Variants in POLK observed in about 807,000 individuals in gnomAD.
The protein encoded by POLK is DNA polymerase kappa.
Under a neutral mutation model 94.0 loss-of-function variants are expected in POLK, and 76 were observed. The observed-to-expected ratio is 0.81, with a 90% CI of 0.67 to 0.98. The LOEUF (loss-of-function observed/expected upper bound fraction) is 0.98, where lower values mean the gene tolerates loss of function less well. POLK is among the 50% of genes least tolerant of loss of function. POLK has a pLI of 0.00. For synonymous variants in POLK, 349 were observed against 325.4 expected (o/e 1.07, Z -0.78); for missense variants, 954 against 1,010.1 (o/e 0.94, Z 0.75).
exon 7 of POLK, chr5:75,581,264 A>G: frequency 5.0e-6 from 8 of 1,610,384 alleles, no homozygotes; most frequent in Non-Finnish European, 6.8e-6. Flanking sequence ...CCATCTCTCC[A>G]CTACTTTTTG....
At chr5:75,591,749 G>A (rs1772797883) in intron 11 of POLK, among the ~76,000 whole-genome samples, 1 of 152,154 alleles carries the variant, frequency 6.6e-6, no homozygotes, top group Non-Finnish European at 1.5e-5. Context: ...TGACAGTGTT[G>A]GGTAGTACTA....
chr5:75,587,628 C>T (rs1207867093), intron 10 of POLK, among the ~76,000 whole-genome samples: 1 of 152,114 alleles, frequency 6.6e-6, no homozygotes, highest in Non-Finnish European at 1.5e-5. Flanking sequence ...ATTTAAGAAA[C>T]ACTGACCTAG....
chr5:75,576,964 G>C, intron 6 of POLK, 31 bp downstream of exon 6: 1 of 1,359,828 alleles, frequency 7.4e-7, no homozygotes, highest in Non-Finnish European at 9.8e-7. Context: ...ATCAAACCAA[G>C]AAGCAGTGAA....
At chr5:75,511,566 G>A, upstream of POLK, 1 of 1,457,376 alleles carries the variant, frequency 6.9e-7, no homozygotes, top group Non-Finnish European at 9.0e-7. Flanking sequence ...AAATCCGGCC[G>A]CTGAGTCCCG....
chr5:75,542,509 T>A (rs1468547993), intron 1 of POLK, among the ~76,000 whole-genome samples: 1 of 151,952 alleles, frequency 6.6e-6, no homozygotes, highest in Non-Finnish European at 1.5e-5. Context: ...TTCCTTAGAA[T>A]TCTTTCTTAA....
chr5:75,535,252 T>A (rs1580950769), intron 1 of POLK, among the ~76,000 whole-genome samples: 1 of 151,890 alleles, frequency 6.6e-6, no homozygotes. Context: ...TGGTTGAAAA[T>A]TTTTTTTTAA....
At chr5:75,539,229 A>C (rs2112602569) in intron 1 of POLK, among the ~76,000 whole-genome samples, 1 of 150,252 alleles carries the variant, frequency 6.7e-6, no homozygotes, top group South Asian at 2.1e-4. Context: ...TGGCTTAATC[A>C]CTCCAAGACC....
intron 1 of POLK, among the ~76,000 whole-genome samples, chr5:75,528,276 G>T (rs899263317): frequency 6.6e-6 from 1 of 152,044 alleles, no homozygotes; most frequent in Admixed American, 6.6e-5. Flanking sequence ...ATGATTAAGA[G>T]GGGAAGAAAA....
At chr5:75,569,177 A>T (rs182952181) in intron 3 of POLK, among the ~76,000 whole-genome samples, 163 bp from the exon 4 acceptor site, 2 of 152,324 alleles carry the variant, frequency 1.3e-5, no homozygotes, top group African/African-American at 4.8e-5. Flanking sequence ...ATACACACCC[A>T]TAAGTAAGTG....
chr5:75,584,816 A>G (rs1399074682), exon 9 of POLK: 2 of 1,595,522 alleles, frequency 1.3e-6, no homozygotes, highest in African/African-American at 1.3e-5. Context: ...GAATTATTAC[A>G]TGTACAGAAC....
At chr5:75,521,181 T>C (rs1482564744) in intron 1 of POLK, among the ~76,000 whole-genome samples, 1 of 152,190 alleles carries the variant, frequency 6.6e-6, no homozygotes, top group Non-Finnish European at 1.5e-5. Context: ...TTTTTTTGAA[T>C]AAACTTTCTA....
At chr5:75,511,631 C>T (rs1768012416), upstream of POLK, 8 of 1,483,628 alleles carry the variant, frequency 5.4e-6, no homozygotes, top group East Asian at 1.5e-4. Context: ...CCACTATTTA[C>T]CCTCCCCTCC....
At chr5:75,513,793 G>A (rs1768190705) in intron 1 of POLK, among the ~76,000 whole-genome samples, 1 of 152,002 alleles carries the variant, frequency 6.6e-6, no homozygotes, top group Admixed American at 6.6e-5. Context: ...AACAGTATTA[G>A]TGCCCACTCT....
chr5:75,559,216 G>A (rs1281246389), intron 3 of POLK, among the ~76,000 whole-genome samples: 5 of 152,132 alleles, frequency 3.3e-5, no homozygotes, highest in Non-Finnish European at 4.4e-5. Flanking sequence ...CCAAGTACTC[G>A]ATTTTATTAT....
chr5:75,605,134 C>A (rs1048192646), downstream of POLK, among the ~76,000 whole-genome samples: 150 of 151,606 alleles, frequency 9.9e-4, no homozygotes, highest in African/African-American at 3.4e-3. Context: ...CACACACACA[C>A]ACACACACAC....
chr5:75,593,384 A>T (rs1772892956), intron 11 of POLK, among the ~76,000 whole-genome samples: 1 of 152,010 alleles, frequency 6.6e-6, no homozygotes, highest in African/African-American at 2.4e-5. Context: ...CCCGCCCAAA[A>T]TGCTGGGATT....
intron 1 of POLK, among the ~76,000 whole-genome samples, chr5:75,541,120 C>T (rs1378046293): frequency 6.6e-6 from 1 of 151,920 alleles, no homozygotes; most frequent in Non-Finnish European, 1.5e-5. Flanking sequence ...CCCGTCTCTA[C>T]AAAAAATACA....
intron 3 of POLK, among the ~76,000 whole-genome samples, chr5:75,554,532 C>A (rs553802225): frequency 6.6e-6 from 1 of 151,680 alleles, no homozygotes; most frequent in African/African-American, 2.4e-5. Flanking sequence ...TTCAGGGGTA[C>A]ATGTGTAGGT....
At chr5:75,531,512 A>G (rs1192078857) in intron 1 of POLK, among the ~76,000 whole-genome samples, 2 of 152,050 alleles carry the variant, frequency 1.3e-5, no homozygotes, top group South Asian at 2.1e-4. Context: ...ATAAAACTTG[A>G]GGCTGGGTGT....
Sources: allele counts gnomAD v4.1 joint callset (sites outside exome capture counted in the v4.1 genomes callset), GRCh38; gene constraint gnomAD v4.1.1; transcripts MANE v1.5; gene names NCBI Gene and HGNC (gene_info 2026-07-23, HGNC 2026-07-21).